Variants in GFRA2 observed in about 807,000 individuals in gnomAD.
GFRA2 encodes the protein GDNF family receptor alpha-2.
Under a neutral mutation model 48.3 loss-of-function variants are expected in GFRA2, and 17 were observed. The ratio of observed to expected loss-of-function variants is 0.35; its 90% confidence interval spans 0.24 to 0.53. GFRA2 has a LOEUF of 0.53. Ranked by LOEUF, GFRA2 falls within the 20% of genes least tolerant of loss-of-function variation. The pLI is 0.93. For missense variants in GFRA2, 660 were observed against 637.3 expected, an observed-to-expected ratio of 1.04 and a Z score of -0.38; for synonymous variants, 305 against 257.2, an observed-to-expected ratio of 1.19 and a Z score of -1.78.
chr8:21,760,985 T>TA (rs1805879749), intron 3 of GFRA2, among the ~76,000 whole-genome samples: 2 of 151,922 alleles, frequency 1.3e-5, no homozygotes, highest in Non-Finnish European at 2.9e-5. Flanking sequence ...GTAGAATAAA[T>TA]AAACTCTCAG....
chr8:21,741,341 A>C (rs1804734868), intron 4 of GFRA2, among the ~76,000 whole-genome samples: 1 of 152,090 alleles, frequency 6.6e-6, no homozygotes, highest in Non-Finnish European at 1.5e-5. Context: ...CCTTGGTCTG[A>C]CACCAGGCTC....
At chr8:21,732,835 T>C (rs1804264444) in intron 4 of GFRA2, among the ~76,000 whole-genome samples, 1 of 152,180 alleles carries the variant, frequency 6.6e-6, no homozygotes, top group African/African-American at 2.4e-5. Context: ...AGGGAAAAGA[T>C]GGACAGGCTA....
In GFRA2 at chr8:21,758,417, A is replaced by G. The variant is rs145292137; in HGVS notation, c.440-7475T>C. On this transcript the variant is annotated intron_variant, in intron 3 of 8. Coordinates refer to ENST00000524240, the MANE Select transcript of GFRA2 (RefSeq NM_001495.5). ...AGAAAGGAGAGGTTCCCCATCCTGT[A>G]AAGCTTCCCAGCCAATGGGGACCCA... Among the ~76,000 whole-genome samples the G allele has an allele frequency of 5.1e-4, 78 of 152,256 alleles. No individual in the cohort carries two copies. The East Asian group carries it at 0.014, about 28-fold the overall frequency.
chr8:21,811,668 C>G (rs905667988), intron 1 of GFRA2, among the ~76,000 whole-genome samples: 2 of 152,092 alleles, frequency 1.3e-5, no homozygotes, highest in South Asian at 2.1e-4. Context: ...GTCCTCCCCC[C>G]GCCTTCCCCA....
intron 7 of GFRA2, 23 bp from the exon 8 acceptor site, chr8:21,694,540 C>G (rs756582319): frequency 6.2e-7 from 1 of 1,602,814 alleles, no homozygotes; most frequent in East Asian, 2.3e-5. Context: ...AGGTGCCAGT[C>G]AGGACGAGTC....
At chr8:21,771,083 C>T (rs912397720) in intron 3 of GFRA2, among the ~76,000 whole-genome samples, 2 of 152,128 alleles carry the variant, frequency 1.3e-5, no homozygotes, top group African/African-American at 2.4e-5. Flanking sequence ...CTGGCTCAGT[C>T]CCTGATGCGC....
Position 21,693,330 on chromosome 8 carries a change from G to A in GFRA2, c.1343C>T (p.Pro448Leu), listed in dbSNP as rs769244434. The part of the protein sequence containing the change: ...KPNSGPSRAR[P>L]SAALTVLSVL... ...AGACAGCACGGTCAAGGCAGCCGACGGTCTGGCTCTGCTGGGGCCTGAGTT... is the reference window on the plus strand; with the variant it reads ...AGACAGCACGGTCAAGGCAGCCGACAGTCTGGCTCTGCTGGGGCCTGAGTT... Residue 448 changes from proline (P) to leucine (L), a missense_variant, in exon 9 of 9, where the codon CCG becomes CTG. Pro to Leu is a moderately conservative substitution (Grantham distance 98). Transcript: ENST00000524240. 8.7e-6 allele frequency: 14 copies of A among 1,613,460 alleles called. No individual in the cohort carries two copies. The highest frequency in any genetic ancestry group is 6.7e-5 in the Admixed American group (4 of 59,968).
intron 4 of GFRA2, among the ~76,000 whole-genome samples, chr8:21,733,523 A>G (rs1231595054): frequency 6.6e-6 from 1 of 152,140 alleles, no homozygotes; most frequent in Non-Finnish European, 1.5e-5. Context: ...TTGAGGAGAG[A>G]GAGGGCGAAG....
At chr8:21,801,018 G>T (rs1204271243) in intron 2 of GFRA2, among the ~76,000 whole-genome samples, 1 of 151,992 alleles carries the variant, frequency 6.6e-6, no homozygotes, top group African/African-American at 2.4e-5. Context: ...GAACAGGGAA[G>T]GAGATTTGTG....
In GFRA2 at chr8:21,704,989, G is replaced by A; in HGVS notation, c.1041C>T (p.Cys347=). 6.2e-7 allele frequency: 1 copy of A among 1,609,362 alleles called. No homozygotes were observed. The highest frequency in any genetic ancestry group is 1.1e-5 in the South Asian group (1 of 89,808). The part of the protein sequence containing the change: ...KFLRDFTENP[C]LRNAIQAFGN... ...GGGAGAACATCCAGAACTTACGGAG[G>A]CATGGGTTCTCGGTGAAGTCCCTGA... Residue 347 remains cysteine (C), a synonymous_variant, in exon 6 of 9, where the codon TGC becomes TGT. Transcript: ENST00000524240.
At chr8:21,763,169 A>G (rs1805993129) in intron 3 of GFRA2, among the ~76,000 whole-genome samples, 1 of 152,230 alleles carries the variant, frequency 6.6e-6, no homozygotes, top group African/African-American at 2.4e-5. Flanking sequence ...CATGAAAACC[A>G]TTAAATGTGA....
At position 21,702,919 on chromosome 8, in the gene GFRA2, G is replaced by A. The variant is rs1293037108; in HGVS notation, c.1104C>T (p.Pro368=). 1 of 1,581,566 alleles carries A rather than the reference G, an allele frequency of 6.3e-7. No homozygotes were observed. The change falls in exon 7 of 9, where the codon CCC becomes CCT. Residue 368 remains proline, a synonymous_variant. Transcript: ENST00000524240. ...GAGGGGCCTGGGTGGCCTGGAACGA[G>A]GGGCCTTTTGGGGACACGTTCACGT... ...GTDVNVSPKG[P]SFQATQAPRV...
chr8:21,758,374 G>A (rs534268918), intron 3 of GFRA2, among the ~76,000 whole-genome samples: 24 of 152,034 alleles, frequency 1.6e-4, no homozygotes, highest in Non-Finnish European at 2.9e-4. Context: ...CTTTCCAATC[G>A]CAAATGTGCC....
upstream of GFRA2, among the ~76,000 whole-genome samples, chr8:21,789,873 G>A (rs1807508022): frequency 1.3e-5 from 2 of 152,112 alleles, no homozygotes; most frequent in Non-Finnish European, 1.5e-5. Context: ...CGCCCCAGAG[G>A]AATCGGGCAG....
chr8:21,700,455 C>T (rs1189413575), intron 7 of GFRA2, among the ~76,000 whole-genome samples: 1 of 152,172 alleles, frequency 6.6e-6, no homozygotes, highest in African/African-American at 2.4e-5. Flanking sequence ...TCCAAGACTC[C>T]CACAGCCCCA....
At chr8:21,794,922 C>T (rs1807640792) in intron 2 of GFRA2, among the ~76,000 whole-genome samples, 1 of 152,220 alleles carries the variant, frequency 6.6e-6, no homozygotes, top group Non-Finnish European at 1.5e-5. Flanking sequence ...ATGCATACTG[C>T]ACTCAGGGCC....
intron 8 of GFRA2, 100 bp downstream of exon 8, chr8:21,694,364 C>T (rs922063181): frequency 9.5e-6 from 11 of 1,155,736 alleles, no homozygotes; most frequent in East Asian, 2.6e-5. Flanking sequence ...CCAGCCCATG[C>T]GATGAGATTT....
chr8:21,768,876 C>T (rs924732234), intron 3 of GFRA2, among the ~76,000 whole-genome samples: 4 of 152,150 alleles, frequency 2.6e-5, no homozygotes, highest in Non-Finnish European at 2.9e-5. Context: ...CCCTGTTCAC[C>T]GTCCCCTGAG....
intron 4 of GFRA2, among the ~76,000 whole-genome samples, chr8:21,720,333 T>C (rs141146429): frequency 3.2e-4 from 48 of 152,298 alleles, no homozygotes; most frequent in African/African-American, 1.1e-3. Flanking sequence ...ACAAAGGGTA[T>C]AGCCTAGGCC....
Sources: allele counts gnomAD v4.1 joint callset (sites outside exome capture counted in the v4.1 genomes callset), GRCh38; gene constraint gnomAD v4.1.1; transcripts MANE v1.5; gene names NCBI Gene and HGNC (gene_info 2026-07-23, HGNC 2026-07-21).